The following SH3KBP1 variants were observed in gnomAD, a reference collection of about 807,000 sequenced individuals.
SH3KBP1 encodes SH3 domain-containing kinase-binding protein 1.
Under a neutral mutation model 50.1 loss-of-function variants are expected in SH3KBP1, and 8 were observed. That is an observed-to-expected ratio of 0.16 (90% CI 0.09 to 0.29). The LOEUF is 0.29. Among genes scored for constraint, SH3KBP1 ranks in the 10% least tolerant of loss-of-function variants. The pLI is 1.00. For missense variants in SH3KBP1, 377 were observed against 535.2 expected (o/e 0.70, Z 2.92); for synonymous variants, 227 against 218.6 (o/e 1.04, Z -0.34).
At position 19,772,809 on chromosome X, in the gene SH3KBP1, TTCC is replaced by T. The variant is rs111480575; in HGVS notation, c.163-26371_163-26369del. ...CGATTCTAAAACTTCCAGCTGGCTC[TTCC>T]TCCTCATCTTCCCCCACTCTTGTGA... On this transcript the variant is annotated intron_variant, in intron 2 of 17. Transcript: ENST00000397821. Among the ~76,000 whole-genome samples the T allele has an allele frequency of 3.3e-3, 365 of 111,744 alleles. 1 individual carries two copies. The highest frequency in any genetic ancestry group is 0.011 in the African/African-American group (345 of 30,697).
chrX:19,562,200 T>C lies in SH3KBP1; in HGVS notation c.1384+6903A>G, dbSNP rs141446292. ...GAACAAAATACTTAATAAAATGTCG[T>C]GTGTCCATAATGCTTTTAATGTGAC... On this transcript the variant is annotated intron_variant, in intron 13 of 17. Coordinates refer to ENST00000397821, the MANE Select transcript of SH3KBP1 (RefSeq NM_031892.3). Among the ~76,000 whole-genome samples, 216 of 111,960 alleles carry C rather than the reference T, an allele frequency of 1.9e-3. 4 individuals carry two copies. The East Asian group carries it at 0.047, about 24-fold the overall frequency.
intron 2 of SH3KBP1, among the ~76,000 whole-genome samples, chrX:19,772,432 C>T: frequency 9.1e-6 from 1 of 109,947 alleles, no homozygotes; most frequent in East Asian, 2.8e-4. Flanking sequence ...TGAAAGCTAG[C>T]AATCAGAAAA....
Position 19,695,220 on chromosome X carries a change from T to C in SH3KBP1, c.520+392A>G, listed in dbSNP as rs753680906. Among the ~76,000 whole-genome samples, 54 of 112,307 alleles carry C rather than the reference T, an allele frequency of 4.8e-4. 1 individual carries two copies. Among genetic ancestry groups the C allele is most frequent in the African/African-American group, 1.4e-3 (44 of 30,916 alleles). On this transcript the variant is annotated intron_variant, in intron 5 of 17. Transcript: ENST00000397821. ...CTTCTCACCACCAGTAATTTTTTTTTCTTTGGTAATTTTTCTCCAAGTCCC... is the reference window on the plus strand; with the variant it reads ...CTTCTCACCACCAGTAATTTTTTTTCCTTTGGTAATTTTTCTCCAAGTCCC...
At chrX:19,588,012 G>A (rs1399702626) in intron 12 of SH3KBP1, among the ~76,000 whole-genome samples, 6 of 112,429 alleles carry the variant, frequency 5.3e-5, no homozygotes, top group Non-Finnish European at 1.1e-4. Context: ...AACACACAAT[G>A]TCCAACTCTG....
At chrX:19,539,984 C>T (rs2064835567) in intron 16 of SH3KBP1, among the ~76,000 whole-genome samples, 1 of 111,308 alleles carries the variant, frequency 9.0e-6, no homozygotes, top group Non-Finnish European at 1.9e-5. Flanking sequence ...ATGTTGCAGG[C>T]ACCTCTCATA....
intron 2 of SH3KBP1, among the ~76,000 whole-genome samples, chrX:19,774,662 GA>G (rs2065912070): frequency 6.5e-5 from 3 of 46,050 alleles, no homozygotes; most frequent in Non-Finnish European, 1.1e-4. Context: ...AAAAAAGAAA[GA>G]AAGAAAGAAA....
intron 4 of SH3KBP1, among the ~76,000 whole-genome samples, chrX:19,704,540 G>A (rs1436037931): frequency 1.8e-5 from 2 of 112,277 alleles, no homozygotes; most frequent in East Asian, 2.8e-4. Context: ...ATTTTACATG[G>A]TTTTATCCTA....
rs61301072 is a variant in SH3KBP1 at position 19,548,825 on chromosome X, AAGAG to A, written c.1494+1145_1494+1148del. Reference sequence around the variant, plus strand: ...CAAGGCAATGTGCTATATGGAAATAAAGAGAGAGAGAGAGAGAGAGAAATCGAAC... The same window carrying A: ...CAAGGCAATGTGCTATATGGAAATAAAGAGAGAGAGAGAGAGAAATCGAAC... On this transcript the variant is annotated intron_variant, in intron 14 of 17. Transcript: ENST00000397821. Among the ~76,000 whole-genome samples the A allele has an allele frequency of 2.9e-5, 3 of 102,473 alleles. No individual in the cohort carries two copies. In the East Asian group the frequency reaches 9.2e-4, roughly 31 times the overall value. The allele number at this position is 102,473 out of a possible 115,157, so 89.0% of individuals were successfully genotyped here. A position where few individuals can be genotyped will look rare whatever the true frequency, so the allele number is the denominator to read the frequency against.
intron 3 of SH3KBP1, among the ~76,000 whole-genome samples, chrX:19,734,999 T>C (rs935809216): frequency 8.9e-6 from 1 of 112,189 alleles, no homozygotes; most frequent in Non-Finnish European, 1.9e-5. Flanking sequence ...TGTGGACATA[T>C]ATGTTTTCAT....
chrX:19,751,640 C>T (rs1302916648), intron 2 of SH3KBP1, among the ~76,000 whole-genome samples: 1 of 111,330 alleles, frequency 9.0e-6, no homozygotes, highest in Non-Finnish European at 1.9e-5. Context: ...AAACCGAGGC[C>T]ATCAATAAGG....
At chrX:19,612,178 A>G (rs2067450070) in intron 8 of SH3KBP1, among the ~76,000 whole-genome samples, 2 of 111,524 alleles carry the variant, frequency 1.8e-5, no homozygotes, top group African/African-American at 6.5e-5. Context: ...AAACCAGACA[A>G]AAGAACTAGT....
chrX:19,836,498 G>T (rs2068060462), intron 1 of SH3KBP1, among the ~76,000 whole-genome samples: 1 of 111,775 alleles, frequency 8.9e-6, no homozygotes, highest in African/African-American at 3.3e-5. Context: ...CACAGGCAGG[G>T]TGGCCTACAG....
At chrX:19,548,736 C>T (rs1170591087) in intron 14 of SH3KBP1, among the ~76,000 whole-genome samples, 1 of 109,511 alleles carries the variant, frequency 9.1e-6, no homozygotes, top group Non-Finnish European at 1.9e-5. Context: ...TCCTGGGAAA[C>T]CTGCAAAAGG....
At chrX:19,616,154 G>A (rs775267858) in intron 8 of SH3KBP1, among the ~76,000 whole-genome samples, 2 of 110,827 alleles carry the variant, frequency 1.8e-5, no homozygotes, top group Admixed American at 9.6e-5. Context: ...TAGAGTCAGG[G>A]TCTTGCCATG....
intron 2 of SH3KBP1, among the ~76,000 whole-genome samples, chrX:19,750,189 G>T (rs2065024471): frequency 8.9e-6 from 1 of 111,740 alleles, no homozygotes; most frequent in Admixed American, 9.5e-5. Flanking sequence ...CTCCCGAATA[G>T]CTGGGATTAC....
chrX:19,847,097 C>T, intron 1 of SH3KBP1, among the ~76,000 whole-genome samples: 1 of 111,373 alleles, frequency 9.0e-6, no homozygotes, highest in African/African-American at 3.3e-5. Context: ...AGGGCTGAGT[C>T]ACTCACTGCA....
intron 2 of SH3KBP1, among the ~76,000 whole-genome samples, chrX:19,804,388 CTT>C (rs1442709665): frequency 9.0e-6 from 1 of 110,518 alleles, no homozygotes; most frequent in East Asian, 2.9e-4. Context: ...ATTAAGTACT[CTT>C]TTTTTCCTCC....
chrX:19,789,385 TAGTC>T (rs1289689087), intron 2 of SH3KBP1, among the ~76,000 whole-genome samples: 1 of 111,154 alleles, frequency 9.0e-6, no homozygotes. Flanking sequence ...GCCCCCATCT[TAGTC>T]AGCCTAGGTT....
At chrX:19,792,973 T>C (rs2066583263) in intron 2 of SH3KBP1, among the ~76,000 whole-genome samples, 1 of 109,928 alleles carries the variant, frequency 9.1e-6, no homozygotes, top group African/African-American at 3.3e-5. Context: ...TCCCTAACCC[T>C]TCATAAACAG....
Sources: gnomAD v4.1 joint callset for allele counts (sites outside exome capture counted in the v4.1 genomes callset) on GRCh38, gnomAD v4.1.1 for gene constraint, MANE v1.5 for transcripts, NCBI Gene and HGNC (gene_info 2026-07-23, HGNC 2026-07-21) for gene names.